The following PAK2 variants were observed in gnomAD, a reference collection of about 807,000 sequenced individuals.
The protein encoded by PAK2 is serine/threonine-protein kinase PAK 2.
Under a neutral mutation model 65.9 loss-of-function variants are expected in PAK2, and 21 were observed. The observed-to-expected ratio is 0.32, with a 90% CI of 0.23 to 0.46. The LOEUF is 0.46. Among genes scored for constraint, PAK2 ranks in the 20% least tolerant of loss-of-function variants. The pLI is 1.00. For synonymous variants in PAK2, 204 were observed against 219.7 expected (o/e 0.93, Z 0.63); for missense variants, 324 against 642.6 (o/e 0.50, Z 5.36).
Position 196,805,626 on chromosome 3 carries a change from G to A in PAK2, c.468+243G>A, listed in dbSNP as rs536882193. On this transcript the variant is annotated intron_variant, in intron 5 of 14. Coordinates refer to ENST00000327134, the MANE Select transcript of PAK2 (RefSeq NM_002577.4). ...CTTCAGAACAGTTTAGTTAGTTTTG[G>A]TAATGTTAACATATACAAACGTGAA... Among the ~76,000 whole-genome samples the A allele has an allele frequency of 6.6e-5, 10 of 152,090 alleles. No homozygotes were observed. The East Asian group carries it at 1.4e-3, about 21-fold the overall frequency.
chr3:196,762,030 G>A (rs370877758), intron 1 of PAK2, among the ~76,000 whole-genome samples: 142 of 134,504 alleles, frequency 1.1e-3, no homozygotes, highest in Non-Finnish European at 1.4e-3. Context: ...CGGGGCGGCC[G>A]GGCAGAGACG....
At chr3:196,819,289 A>G (rs1041457349) in intron 12 of PAK2, among the ~76,000 whole-genome samples, 1 of 152,086 alleles carries the variant, frequency 6.6e-6, no homozygotes, top group African/African-American at 2.4e-5. Context: ...TAAAAATACA[A>G]CAATTAGCCG....
rs996021826 is a variant in PAK2 at position 196,820,985 on chromosome 3, G to A, written c.1350+418G>A. Among the ~76,000 whole-genome samples, 3 of 152,034 alleles carry A rather than the reference G, an allele frequency of 2.0e-5. No individual in the cohort carries two copies. Among genetic ancestry groups the A allele is most frequent in the African/African-American group, 4.8e-5 (2 of 41,404 alleles). On this transcript the variant is annotated intron_variant, in intron 13 of 14. Transcript: ENST00000327134. The surrounding 1 kb of genome is among the most constrained non-coding windows in gnomAD (Gnocchi z 4.6). The stretch of plus-strand genomic sequence containing the variant: ...CTCCTGAGTAGCTGGGACTATGGGT[G>A]CGTGCCACCACACCCAGCTGATTTT...
At chr3:196,800,815 AC>A (rs1715402702) in intron 2 of PAK2, among the ~76,000 whole-genome samples, 2 of 152,310 alleles carry the variant, frequency 1.3e-5, no homozygotes, top group East Asian at 1.9e-4. Flanking sequence ...TTAGTGAAGA[AC>A]TATCACTAAA....
chr3:196,759,875 C>T (rs1253590351), intron 1 of PAK2, among the ~76,000 whole-genome samples: 2 of 152,050 alleles, frequency 1.3e-5, no homozygotes, highest in Non-Finnish European at 2.9e-5. Context: ...GCCGTCCCCA[C>T]TATCTAATTA....
Position 196,832,113 on chromosome 3 carries a change from C to G in PAK2, c.*3708C>G, listed in dbSNP as rs1052554051. 1 of 152,212 alleles carries G rather than the reference C, an allele frequency of 6.6e-6. No individual in the cohort carries two copies. Among genetic ancestry groups the G allele is most frequent in the African/African-American group, 2.4e-5 (1 of 41,462 alleles). 9.4% of individuals were successfully genotyped at this position (152,212 alleles called of 1,614,324 possible). A position where few individuals can be genotyped will look rare whatever the true frequency, so the allele number is the denominator to read the frequency against. The stretch of plus-strand genomic sequence containing the variant: ...GGCCTGGCCTTGAAAGAACCGAAGT[C>G]TTTCCCATTCACTTCTCTAGAAAGC... On this transcript the variant is annotated 3_prime_UTR_variant, in exon 15 of 15. Coordinates refer to ENST00000327134, the MANE Select transcript of PAK2 (RefSeq NM_002577.4).
chr3:196,798,247 T>C (rs1715317048), intron 2 of PAK2, among the ~76,000 whole-genome samples: 1 of 152,018 alleles, frequency 6.6e-6, no homozygotes, highest in African/African-American at 2.4e-5. Context: ...GAGAGACACA[T>C]TACCAATATT....
At chr3:196,774,336 G>GT (rs144774978) in intron 1 of PAK2, among the ~76,000 whole-genome samples, 9 of 151,814 alleles carry the variant, frequency 5.9e-5, no homozygotes, top group South Asian at 2.1e-4. Flanking sequence ...GGGTAAGTTG[G>GT]TTTTTTTTCA....
intron 1 of PAK2, among the ~76,000 whole-genome samples, chr3:196,747,673 TATTG>T (rs1256793266): frequency 6.6e-6 from 1 of 152,196 alleles, no homozygotes; most frequent in Non-Finnish European, 1.5e-5. Context: ...ATACATAACC[TATTG>T]ATTAAATTTA....
rs186990035 is a variant in PAK2, at chr3:196,810,780, G to A, written c.773+127G>A. On this transcript the variant is annotated intron_variant, in intron 8 of 14. Transcript: ENST00000327134. ...GTATTCTGTGAGTGGTACCCTTGGG[G>A]GATTTGTGTAAATAAATAATGCAGT... 268 of 577,964 alleles carry A rather than the reference G, an allele frequency of 4.6e-4. 1 individual carries two copies. Among genetic ancestry groups the A allele is most frequent in the African/African-American group, 3.7e-3 (198 of 53,098 alleles). The allele number at this position is 577,964 out of a possible 1,614,324, so 35.8% of individuals were successfully genotyped here. A position where few individuals can be genotyped will look rare whatever the true frequency, so the allele number is the denominator to read the frequency against.
intron 8 of PAK2, among the ~76,000 whole-genome samples, chr3:196,811,357 C>CCTTTCCTTCCTTT (rs1560113992): frequency 1.9e-4 from 1 of 5,206 alleles, no homozygotes; most frequent in Admixed American, 2.5e-3. Flanking sequence ...TTCCTTCCCT[C>CCTTTCCTTCCTTT]CCTTCCCTTC....
intron 13 of PAK2, among the ~76,000 whole-genome samples, chr3:196,823,132 C>T (rs1262565380): frequency 6.6e-6 from 1 of 152,084 alleles, no homozygotes; most frequent in Non-Finnish European, 1.5e-5. Flanking sequence ...AAAGGCAGAG[C>T]AGAAGACCAG....
intron 2 of PAK2, among the ~76,000 whole-genome samples, chr3:196,800,001 C>T (rs917990744): frequency 6.6e-6 from 1 of 152,168 alleles, no homozygotes; most frequent in Non-Finnish European, 1.5e-5. Flanking sequence ...GCAAACACTG[C>T]TGAGAGAAAT....
intron 11 of PAK2, 62 bp downstream of exon 11, chr3:196,814,630 G>C (rs2108767723): frequency 1.3e-6 from 1 of 761,438 alleles, no homozygotes; most frequent in East Asian, 2.6e-5. Flanking sequence ...GTGAACAAAA[G>C]GAAATTTTTC....
chr3:196,753,035 C>A (rs957171704), intron 1 of PAK2, among the ~76,000 whole-genome samples: 7 of 150,664 alleles, frequency 4.6e-5, no homozygotes, highest in South Asian at 4.2e-4. Flanking sequence ...GGCTGGAGTG[C>A]AGTGGTGCCG....
chr3:196,768,279 T>G (rs1266497654), intron 1 of PAK2, among the ~76,000 whole-genome samples: 1 of 152,018 alleles, frequency 6.6e-6, no homozygotes, highest in Non-Finnish European at 1.5e-5. Context: ...TTTGTTTTGA[T>G]TAATTTTGCC....
intron 2 of PAK2, among the ~76,000 whole-genome samples, chr3:196,785,511 C>G (rs2108743246): frequency 6.6e-6 from 1 of 152,254 alleles, no homozygotes; most frequent in East Asian, 1.9e-4. Context: ...AATACTAGCT[C>G]ATTGTGTTTT....
intron 2 of PAK2, among the ~76,000 whole-genome samples, chr3:196,786,341 T>G (rs1025931690): frequency 6.6e-6 from 1 of 152,042 alleles, no homozygotes; most frequent in African/African-American, 2.4e-5. Flanking sequence ...TTTTGTATTT[T>G]TAGTAGAGAC....
chr3:196,809,494 C>T (rs1577738118), intron 7 of PAK2, among the ~76,000 whole-genome samples: 1 of 150,574 alleles, frequency 6.6e-6, no homozygotes, highest in Non-Finnish European at 1.5e-5. Context: ...CAGGTGTGCG[C>T]CACCACACCC....
Sources: allele counts gnomAD v4.1 joint callset (sites outside exome capture counted in the v4.1 genomes callset), GRCh38; gene constraint gnomAD v4.1.1; non-coding constraint Gnocchi (gnomAD v3.1); transcripts MANE v1.5; gene names NCBI Gene and HGNC (gene_info 2026-07-23, HGNC 2026-07-21).